Variants in DIAPH2 observed in about 807,000 individuals in gnomAD.
The protein encoded by DIAPH2 is diaphanous related formin 2, also known as protein diaphanous homolog 2.
Under a neutral mutation model 92.7 loss-of-function variants are expected in DIAPH2, and 35 were observed. That is an observed-to-expected ratio of 0.38 (90% confidence interval 0.29 to 0.50). The LOEUF is 0.50. Ranked by LOEUF, DIAPH2 falls within the 20% of genes least tolerant of loss-of-function variation. The probability of loss-of-function intolerance (pLI) is 0.94; values close to 1 mark genes in which losing one functional copy is unlikely to be tolerated. For synonymous variants in DIAPH2, 301 were observed against 280.4 expected, an observed-to-expected ratio of 1.07 and a Z score of -0.73; for missense variants, 701 against 819.5, an observed-to-expected ratio of 0.86 and a Z score of 1.77.
chrX:97,500,631 G>T (rs1387690768), intron 26 of DIAPH2, among the ~76,000 whole-genome samples: 1 of 107,904 alleles, frequency 9.3e-6, no homozygotes, highest in East Asian at 2.9e-4. Context: ...CTTTTGCGTA[G>T]AACATTTCTA....
intron 22 of DIAPH2, among the ~76,000 whole-genome samples, chrX:97,171,919 A>G (rs1323717150): frequency 1.8e-5 from 2 of 109,165 alleles, no homozygotes; most frequent in African/African-American, 6.7e-5. Context: ...CAGCCCGGGC[A>G]ACAGAGCAAG....
At chrX:97,112,616 A>G (rs2066987984) in intron 20 of DIAPH2, among the ~76,000 whole-genome samples, 1 of 109,857 alleles carries the variant, frequency 9.1e-6, no homozygotes, top group African/African-American at 3.3e-5. Context: ...TGGACTCTTT[A>G]GATACATTGT....
intron 26 of DIAPH2, among the ~76,000 whole-genome samples, chrX:97,524,161 T>C (rs901920410): frequency 1.8e-5 from 2 of 111,868 alleles, no homozygotes; most frequent in African/African-American, 6.5e-5. Context: ...GTAACCTCCA[T>C]GAGAGAAGAT....
At chrX:96,939,484 G>GTGTGTACATATATATATATA (rs745521574) in intron 12 of DIAPH2, 102 bp downstream of exon 12, 1 of 143,888 alleles carries the variant, frequency 6.9e-6, no homozygotes, top group Non-Finnish European at 1.4e-5. Context: ...ATATGTGTGT[G>GTGTGTACATATATATATATA]TATGTATATA....
In DIAPH2 at chrX:97,226,301, C is replaced by A. The variant is rs141589829; in HGVS notation, c.2720-21414C>A. Among the ~76,000 whole-genome samples, 83 of 111,707 alleles carry A rather than the reference C, an allele frequency of 7.4e-4. 1 individual carries two copies. The highest frequency in any genetic ancestry group is 2.6e-3 in the African/African-American group (79 of 30,744). On this transcript the variant is annotated intron_variant, in intron 22 of 26. Transcript: ENST00000324765. The stretch of plus-strand genomic sequence containing the variant: ...ATTACATAATATGACTTGAAACATG[C>A]CAGGACTTGTTTCTGAAGATTGAGG...
chrX:96,956,641 T>G (rs1033248472), intron 15 of DIAPH2, among the ~76,000 whole-genome samples: 1 of 112,250 alleles, frequency 8.9e-6, no homozygotes, highest in Non-Finnish European at 1.9e-5. Flanking sequence ...CACAGATCTT[T>G]AGGGCAGACA....
intron 5 of DIAPH2, chrX:96,885,072 G>A (rs1246663601): frequency 5.0e-6 from 6 of 1,205,977 alleles, no homozygotes; most frequent in Non-Finnish European, 6.7e-6. Context: ...CTGTGGATCG[G>A]GAGCATTTTA....
At chrX:97,009,926 C>G (rs1359538540) in intron 17 of DIAPH2, among the ~76,000 whole-genome samples, 1 of 111,771 alleles carries the variant, frequency 8.9e-6, no homozygotes, top group East Asian at 2.8e-4. Context: ...CAAGCACTCC[C>G]TTGGCTGACC....
rs749838488 is a variant in DIAPH2, at chrX:96,884,410, A to G, written c.587+2692A>G. ...GTGTGAGAGAGATGCAACTCCTGCT[A>G]TTAAGACCCAAAGACCTAAGGTCCG... On this transcript the variant is annotated intron_variant, in intron 5 of 26. Transcript: ENST00000324765. 4 of 1,207,998 alleles carry G rather than the reference A, an allele frequency of 3.3e-6. No homozygotes were observed. In the East Asian group the frequency reaches 1.2e-4, roughly 36 times the overall value.
intron 9 of DIAPH2, among the ~76,000 whole-genome samples, chrX:96,926,859 A>G (rs2065585398): frequency 9.0e-6 from 1 of 111,536 alleles, no homozygotes; most frequent in South Asian, 3.7e-4. Context: ...ATAATGGAGA[A>G]AATTCACTGA....
chrX:97,432,112 T>A (rs2070132729), intron 26 of DIAPH2, among the ~76,000 whole-genome samples: 1 of 111,265 alleles, frequency 9.0e-6, no homozygotes. Context: ...TTCCCCCAAG[T>A]AAAGTAAAAT....
At chrX:97,311,709 T>G (rs894014745) in intron 23 of DIAPH2, among the ~76,000 whole-genome samples, 1 of 111,760 alleles carries the variant, frequency 8.9e-6, no homozygotes, top group Admixed American at 9.5e-5. Flanking sequence ...TTTCAGAATC[T>G]TGTAGCCTCC....
At chrX:97,000,777 A>G (rs951641259) in intron 17 of DIAPH2, among the ~76,000 whole-genome samples, 17 of 111,824 alleles carry the variant, frequency 1.5e-4, no homozygotes, top group African/African-American at 5.5e-4. Context: ...CCATCAGTTC[A>G]CCATCTAAGC....
At chrX:97,503,690 C>T (rs919394685) in intron 26 of DIAPH2, among the ~76,000 whole-genome samples, 4 of 111,362 alleles carry the variant, frequency 3.6e-5, no homozygotes, top group Admixed American at 1.9e-4. Context: ...CTTGATAGAA[C>T]GCTCATGAGA....
At chrX:97,110,991 C>CAA (rs1331839971) in intron 20 of DIAPH2, among the ~76,000 whole-genome samples, 4,386 of 87,779 alleles carry the variant, frequency 0.05, 298 homozygotes, top group African/African-American at 0.17. Flanking sequence ...TCAAAAAAAA[C>CAA]AAACAAAAAA....
At chrX:97,225,791 A>G (rs1263064443) in intron 22 of DIAPH2, among the ~76,000 whole-genome samples, 3 of 112,093 alleles carry the variant, frequency 2.7e-5, no homozygotes, top group African/African-American at 9.7e-5. Context: ...AATTGAAAGC[A>G]TCTGTCTTGT....
intron 17 of DIAPH2, among the ~76,000 whole-genome samples, chrX:97,060,494 C>T (rs930312919): frequency 8.1e-5 from 9 of 110,683 alleles, no homozygotes; most frequent in African/African-American, 3.0e-4. Flanking sequence ...TAGCTCTATC[C>T]GCAGTCTACA....
chrX:97,330,520 T>C (rs911793224), intron 23 of DIAPH2, among the ~76,000 whole-genome samples: 16 of 109,314 alleles, frequency 1.5e-4, no homozygotes, highest in Admixed American at 2.9e-4. Flanking sequence ...TTCTTTCTTT[T>C]TTTTTTTTTT....
chrX:97,079,961 A>G (rs1263066020), intron 19 of DIAPH2, among the ~76,000 whole-genome samples: 1 of 111,401 alleles, frequency 9.0e-6, no homozygotes, highest in African/African-American at 3.3e-5. Flanking sequence ...AACAATCTAC[A>G]CTATATACCA....
Sources: gnomAD v4.1 joint callset for allele counts (sites outside exome capture counted in the v4.1 genomes callset) on GRCh38, gnomAD v4.1.1 for gene constraint, MANE v1.5 for transcripts, NCBI Gene and HGNC (gene_info 2026-07-23, HGNC 2026-07-21) for gene names.